The following DEUP1 variants were observed in gnomAD, a reference collection of about 807,000 sequenced individuals.
DEUP1 encodes the protein deuterosome assembly protein 1.
A neutral mutation model predicts 87.4 loss-of-function variants in DEUP1; 82 were observed. That is an observed-to-expected ratio of 0.94 (90% CI 0.78 to 1.13). The LOEUF is 1.13. Ranked by LOEUF, DEUP1 falls within the 50% of genes most tolerant of loss-of-function variation. The probability of loss-of-function intolerance (pLI) is 0.00; values close to 1 mark genes in which losing one functional copy is unlikely to be tolerated. For synonymous variants in DEUP1, 214 were observed against 222.7 expected, an observed-to-expected ratio of 0.96 and a Z score of 0.35; for missense variants, 663 against 681.5, an observed-to-expected ratio of 0.97 and a Z score of 0.30.
chr11:93,373,649 A>G (rs1020504690), intron 7 of DEUP1, among the ~76,000 whole-genome samples: 11 of 145,102 alleles, frequency 7.6e-5, no homozygotes, highest in African/African-American at 2.6e-4. Context: ...ATATATATAT[A>G]TACGTATATA....
At chr11:93,389,545 C>CTACT (rs140335781) in intron 9 of DEUP1, among the ~76,000 whole-genome samples, 38,270 of 151,956 alleles carry the variant, frequency 0.25, 5,131 homozygotes, top group South Asian at 0.37. Context: ...GAGTTAGCTG[C>CTACT]TAACTAGCAG....
At chr11:93,428,980 G>A (rs1948022974) in intron 13 of DEUP1, among the ~76,000 whole-genome samples, 1 of 152,140 alleles carries the variant, frequency 6.6e-6, no homozygotes, top group African/African-American at 2.4e-5. Context: ...GGTGAATAAT[G>A]AGACTGAGCA....
chr11:93,378,003 G>C (rs1946123300), intron 7 of DEUP1, among the ~76,000 whole-genome samples: 1 of 151,818 alleles, frequency 6.6e-6, no homozygotes, highest in Non-Finnish European at 1.5e-5. Context: ...TTTTTTAATA[G>C]GTTACCTGAT....
chr11:93,346,372 C>T (rs970010211), intron 2 of DEUP1, among the ~76,000 whole-genome samples: 2 of 152,148 alleles, frequency 1.3e-5, no homozygotes, highest in Admixed American at 6.5e-5. Flanking sequence ...TACAGGTGCA[C>T]ATCACCATGC....
At chr11:93,356,432 T>A (rs1200424647) in intron 3 of DEUP1, among the ~76,000 whole-genome samples, 1 of 152,212 alleles carries the variant, frequency 6.6e-6, no homozygotes, top group African/African-American at 2.4e-5. Context: ...CACAGATATG[T>A]AAACAAGTGC....
chr11:93,407,799 A>G (rs117887237), intron 11 of DEUP1, among the ~76,000 whole-genome samples: 1,720 of 152,036 alleles, frequency 0.011, 17 homozygotes, highest in Middle Eastern at 0.041. Flanking sequence ...GAACACAAAA[A>G]AACTTGAAAT....
intron 7 of DEUP1, among the ~76,000 whole-genome samples, chr11:93,380,331 C>T (rs1303995517): frequency 2.6e-5 from 4 of 151,876 alleles, no homozygotes; most frequent in Non-Finnish European, 5.9e-5. Flanking sequence ...TTGTGACTCA[C>T]ATATTTTTAG....
intron 13 of DEUP1, among the ~76,000 whole-genome samples, chr11:93,428,597 A>T (rs1428332746): frequency 6.6e-6 from 1 of 152,150 alleles, no homozygotes; most frequent in East Asian, 1.9e-4. Context: ...AAGTATAATA[A>T]TAATAAAATT....
intron 4 of DEUP1, among the ~76,000 whole-genome samples, chr11:93,359,245 A>G (rs1443926207): frequency 6.6e-6 from 1 of 152,134 alleles, no homozygotes; most frequent in Non-Finnish European, 1.5e-5. Context: ...TTACAATTTC[A>G]TTTTCCTGAA....
chr11:93,417,052 G>C (rs1448643614), intron 13 of DEUP1, among the ~76,000 whole-genome samples: 1 of 150,666 alleles, frequency 6.6e-6, no homozygotes, highest in Admixed American at 6.6e-5. Context: ...AGCTATCTAT[G>C]ACAAACCCAT....
intron 2 of DEUP1, among the ~76,000 whole-genome samples, chr11:93,347,701 G>A (rs1033197310): frequency 2.0e-5 from 3 of 151,984 alleles, no homozygotes; most frequent in Non-Finnish European, 1.5e-5. Flanking sequence ...CCCATTGTTG[G>A]TCTGTTCAGA....
intron 4 of DEUP1, among the ~76,000 whole-genome samples, chr11:93,359,912 C>G (rs991577319): frequency 6.6e-6 from 1 of 152,144 alleles, no homozygotes; most frequent in East Asian, 1.9e-4. Context: ...AGAGCCAGGA[C>G]TTTCATCCTC....
intron 11 of DEUP1, among the ~76,000 whole-genome samples, chr11:93,404,940 A>G (rs1947224620): frequency 1.3e-5 from 2 of 152,184 alleles, no homozygotes; most frequent in African/African-American, 4.8e-5. Context: ...ATGCAAATAC[A>G]TTACCTGTGT....
At chr11:93,372,776 C>A (rs1945807356) in intron 7 of DEUP1, among the ~76,000 whole-genome samples, 1 of 152,198 alleles carries the variant, frequency 6.6e-6, no homozygotes, top group Admixed American at 6.5e-5. Context: ...TCTACAAACA[C>A]TAAATGCAGA....
intron 13 of DEUP1, among the ~76,000 whole-genome samples, chr11:93,434,850 G>A (rs1948197350): frequency 6.6e-6 from 1 of 152,160 alleles, no homozygotes; most frequent in Non-Finnish European, 1.5e-5. Flanking sequence ...TCGGTTTAAA[G>A]TCTATACCAC....
intron 9 of DEUP1, among the ~76,000 whole-genome samples, chr11:93,391,082 A>AG (rs1555053405): frequency 7.9e-6 from 1 of 126,532 alleles, no homozygotes; most frequent in Non-Finnish European, 1.6e-5. Flanking sequence ...ACTCTGTCTC[A>AG]GGAAAAAAAA....
chr11:93,376,422 T>C (rs1436085843), intron 7 of DEUP1, among the ~76,000 whole-genome samples: 1 of 152,244 alleles, frequency 6.6e-6, no homozygotes, highest in Non-Finnish European at 1.5e-5. Context: ...GTGTTCATAG[T>C]AGCCTTGAAT....
chr11:93,427,454 C>T (rs559341020), intron 13 of DEUP1, among the ~76,000 whole-genome samples: 1 of 152,058 alleles, frequency 6.6e-6, no homozygotes, highest in African/African-American at 2.4e-5. Flanking sequence ...CCCTTCCTTA[C>T]ACCTTATACA....
intron 3 of DEUP1, 83 bp downstream of exon 3, chr11:93,355,625 A>T: frequency 8.0e-7 from 1 of 1,253,210 alleles, no homozygotes; most frequent in Non-Finnish European, 1.1e-6. Flanking sequence ...TTTATTATAC[A>T]TACTTTTTAT....
Sources: gnomAD v4.1 joint callset for allele counts (sites outside exome capture counted in the v4.1 genomes callset) on GRCh38, gnomAD v4.1.1 for gene constraint, MANE v1.5 for transcripts, NCBI Gene and HGNC (gene_info 2026-07-23, HGNC 2026-07-21) for gene names.